PTPRD: variants seen among roughly 807,000 people sequenced by gnomAD.
PTPRD encodes the protein receptor-type tyrosine-protein phosphatase delta.
A neutral mutation model predicts 214.5 loss-of-function variants in PTPRD; 34 were observed. The ratio of observed to expected loss-of-function variants is 0.16; its 90% CI spans 0.12 to 0.21. PTPRD has a LOEUF of 0.21. PTPRD is among the 10% of genes least tolerant of loss of function. The pLI is 1.00. For missense variants in PTPRD, 2,545 were observed against 2,398.7 expected, an observed-to-expected ratio of 1.06 and a Z score of -1.27; for synonymous variants, 1,128 against 845.7, an observed-to-expected ratio of 1.33 and a Z score of -5.79.
chr9:10,031,647 T>TATATATATATATATATATATATAC, intron 4 of PTPRD, among the ~76,000 whole-genome samples: 7 of 89,646 alleles, frequency 7.8e-5, no homozygotes, highest in African/African-American at 1.6e-4. Context: ...TATATATATA[T>TATATATATATATATATATATATAC]ACACACACAC....
At chr9:9,222,448 G>C (rs185253825) in intron 9 of PTPRD, among the ~76,000 whole-genome samples, 50 of 152,080 alleles carry the variant, frequency 3.3e-4, no homozygotes, top group African/African-American at 1.1e-3. Flanking sequence ...CAATTATGTA[G>C]CATTTCAAAG....
intron 5 of PTPRD, among the ~76,000 whole-genome samples, chr9:9,907,302 A>T (rs2077857353): frequency 6.6e-6 from 1 of 151,964 alleles, no homozygotes; most frequent in African/African-American, 2.4e-5. Context: ...ACATCCTATT[A>T]TTATTATATT....
At chr9:10,374,212 G>C (rs996047043) in intron 2 of PTPRD, among the ~76,000 whole-genome samples, 2 of 152,050 alleles carry the variant, frequency 1.3e-5, no homozygotes, top group Non-Finnish European at 2.9e-5. Flanking sequence ...TCTTGAATTA[G>C]TTGATGCTAT....
chr9:10,318,417 G>A (rs925565256), intron 3 of PTPRD, among the ~76,000 whole-genome samples: 2 of 152,062 alleles, frequency 1.3e-5, no homozygotes, highest in East Asian at 2.0e-4. Context: ...AGGGTAACAG[G>A]AAGTAAAACA....
At position 9,379,327 on chromosome 9, in the gene PTPRD, G is replaced by A. The variant is rs560200062; in HGVS notation, c.-203+18122C>T. ...TCCATTGTATTGCCTTTTCTCCACCGTCAAAAACCATTTAATTGTATTTAT... is the reference window on the plus strand; with the variant it reads ...TCCATTGTATTGCCTTTTCTCCACCATCAAAAACCATTTAATTGTATTTAT... On this transcript the variant is annotated intron_variant, in intron 9 of 45. Transcript: ENST00000381196. Among the ~76,000 whole-genome samples, 13 of 150,966 alleles carry A rather than the reference G, an allele frequency of 8.6e-5. No homozygotes were observed. The East Asian group carries it at 9.7e-4, about 11-fold the overall frequency.
At chr9:9,245,510 A>G (rs927583107) in intron 9 of PTPRD, among the ~76,000 whole-genome samples, 7 of 152,100 alleles carry the variant, frequency 4.6e-5, no homozygotes, top group African/African-American at 1.7e-4. Context: ...TCAGCAAACT[A>G]TTGCAAGGAC....
At chr9:8,805,671 C>T (rs553624740) in intron 11 of PTPRD, among the ~76,000 whole-genome samples, 53 of 151,372 alleles carry the variant, frequency 3.5e-4, no homozygotes, top group African/African-American at 1.2e-3. Context: ...GGCACAATCT[C>T]GGCTCACAGC....
At chr9:9,058,411 T>C (rs1343533855) in intron 10 of PTPRD, among the ~76,000 whole-genome samples, 1 of 148,278 alleles carries the variant, frequency 6.7e-6, no homozygotes. Flanking sequence ...CTATGTATAA[T>C]AGCAATATTG....
intron 3 of PTPRD, among the ~76,000 whole-genome samples, chr9:10,130,706 G>A (rs1228667898): frequency 3.3e-5 from 5 of 151,976 alleles, no homozygotes; most frequent in Non-Finnish European, 1.5e-5. Context: ...AATAGTACAA[G>A]TAATAACACT....
At chr9:10,495,391 A>G (rs993689548) in intron 2 of PTPRD, among the ~76,000 whole-genome samples, 1 of 151,878 alleles carries the variant, frequency 6.6e-6, no homozygotes, top group Non-Finnish European at 1.5e-5. Context: ...TCTGCTGTTA[A>G]GAGAGGAATC....
intron 10 of PTPRD, among the ~76,000 whole-genome samples, chr9:9,097,503 G>A (rs1363452593): frequency 6.6e-6 from 1 of 151,778 alleles, no homozygotes; most frequent in South Asian, 2.1e-4. Context: ...CTGCCGCCCG[G>A]ATTCAAGCCA....
intron 12 of PTPRD, among the ~76,000 whole-genome samples, chr9:8,718,858 C>T (rs1041971350): frequency 2.0e-5 from 3 of 152,132 alleles, no homozygotes; most frequent in Non-Finnish European, 4.4e-5. Flanking sequence ...CACGATGGAG[C>T]GTAGTGTTAT....
At chr9:9,621,477 C>T (rs2095235554) in intron 7 of PTPRD, among the ~76,000 whole-genome samples, 1 of 152,110 alleles carries the variant, frequency 6.6e-6, no homozygotes, top group Non-Finnish European at 1.5e-5. Context: ...ACAATGGAGT[C>T]AGACTCTGGA....
At position 8,926,433 on chromosome 9, in the gene PTPRD, C is replaced by T. The variant is rs114846755; in HGVS notation, c.-104+92264G>A. Among the ~76,000 whole-genome samples, 807 of 152,166 alleles carry T rather than the reference C, an allele frequency of 5.3e-3. 7 individuals are homozygous for T. The highest frequency in any genetic ancestry group is 0.019 in the African/African-American group (777 of 41,498). Reference sequence around the variant, plus strand: ...GATAGCATTTTAGTAAATTTTATCTCGTAGAGTTTTCTAATACTTTATGGT... The same window carrying T: ...GATAGCATTTTAGTAAATTTTATCTTGTAGAGTTTTCTAATACTTTATGGT... On this transcript the variant is annotated intron_variant, in intron 11 of 45. Coordinates refer to ENST00000381196, the MANE Select transcript of PTPRD (RefSeq NM_002839.4).
intron 8 of PTPRD, among the ~76,000 whole-genome samples, chr9:9,464,147 G>C (rs1029166934): frequency 2.6e-5 from 4 of 152,178 alleles, no homozygotes; most frequent in Non-Finnish European, 5.9e-5. Context: ...TCCATTCCAG[G>C]AAACACTCAT....
At chr9:8,611,968 AGAGGGGAGGG>A (rs749103141) in intron 14 of PTPRD, among the ~76,000 whole-genome samples, 1 of 114,814 alleles carries the variant, frequency 8.7e-6, no homozygotes, top group East Asian at 3.1e-4. Flanking sequence ...AGAAAACAAA[AGAGGGGAGGG>A]GAGGGGAGGG....
At chr9:9,022,712 A>G (rs1431318462) in intron 10 of PTPRD, among the ~76,000 whole-genome samples, 1 of 152,204 alleles carries the variant, frequency 6.6e-6, no homozygotes, top group Non-Finnish European at 1.5e-5. Context: ...AGAAGTCAAC[A>G]TAATTTGCAG....
intron 7 of PTPRD, among the ~76,000 whole-genome samples, chr9:9,644,138 T>C (rs2096066147): frequency 6.6e-6 from 1 of 152,224 alleles, no homozygotes; most frequent in Non-Finnish European, 1.5e-5. Context: ...ATTACATTTA[T>C]TCATAAAAAT....
intron 5 of PTPRD, among the ~76,000 whole-genome samples, chr9:9,784,063 C>T (rs889018161): frequency 2.0e-5 from 3 of 152,062 alleles, no homozygotes; most frequent in South Asian, 4.2e-4. Flanking sequence ...ATCAATATGT[C>T]GTCAGACAGA....
Sources: gnomAD v4.1 joint callset for allele counts (sites outside exome capture counted in the v4.1 genomes callset) on GRCh38, gnomAD v4.1.1 for gene constraint, MANE v1.5 for transcripts, NCBI Gene and HGNC (gene_info 2026-07-23, HGNC 2026-07-21) for gene names.